Variants in ATP8B4 observed in about 807,000 individuals in gnomAD.
The protein encoded by ATP8B4 is probable phospholipid-transporting ATPase IM.
In ATP8B4, 133 loss-of-function variants were observed where a neutral mutation model predicts 145.6. The ratio of observed to expected loss-of-function variants is 0.91; its 90% CI spans 0.79 to 1.05. ATP8B4 has a LOEUF of 1.05. ATP8B4 is among the 50% of genes least tolerant of loss of function. The pLI is 0.00. For synonymous variants in ATP8B4, 507 were observed against 492.9 expected, an observed-to-expected ratio of 1.03 and a Z score of -0.38; for missense variants, 1,458 against 1,425.2, an observed-to-expected ratio of 1.02 and a Z score of -0.37.
intron 16 of ATP8B4, among the ~76,000 whole-genome samples, chr15:49,925,931 G>A (rs151288194): frequency 1.4e-4 from 21 of 152,212 alleles, no homozygotes; most frequent in African/African-American, 4.3e-4. Context: ...AAATGGTCAC[G>A]ATAACATATG....
intron 20 of ATP8B4, among the ~76,000 whole-genome samples, chr15:49,907,152 G>T (rs1325314064): frequency 6.6e-6 from 1 of 152,178 alleles, no homozygotes; most frequent in Non-Finnish European, 1.5e-5. Flanking sequence ...AGTGCTGGAT[G>T]CCAGCAGGGT....
At chr15:49,875,492 G>A (rs78206628) in intron 25 of ATP8B4, among the ~76,000 whole-genome samples, 106 of 152,192 alleles carry the variant, frequency 7.0e-4, no homozygotes, top group Non-Finnish European at 1.4e-3. Flanking sequence ...ATAAAACAGA[G>A]GTCACATAGC....
At chr15:50,093,480 AC>A in intron 2 of ATP8B4, among the ~76,000 whole-genome samples, 1 of 152,202 alleles carries the variant, frequency 6.6e-6, no homozygotes, top group African/African-American at 2.4e-5. Context: ...AAATGTTGTA[AC>A]CAGAGTAATC....
intron 2 of ATP8B4, among the ~76,000 whole-genome samples, chr15:50,078,785 A>G (rs188680948): frequency 6.6e-6 from 1 of 152,216 alleles, no homozygotes; most frequent in African/African-American, 2.4e-5. Context: ...AGCCTGAAAC[A>G]TAAGAATCAG....
chr15:49,919,405 T>C (rs1041743198), intron 18 of ATP8B4, among the ~76,000 whole-genome samples: 1 of 151,990 alleles, frequency 6.6e-6, no homozygotes, highest in Non-Finnish European at 1.5e-5. Flanking sequence ...CCTGCATGAT[T>C]TTTCCTTTTC....
intron 1 of ATP8B4, among the ~76,000 whole-genome samples, chr15:50,169,661 G>T (rs1177479073): frequency 1.3e-5 from 2 of 152,138 alleles, no homozygotes; most frequent in Admixed American, 6.5e-5. Flanking sequence ...CACCAGCAAT[G>T]AATCCAAACC....
At chr15:49,899,281 T>A (rs547852134) in intron 21 of ATP8B4, among the ~76,000 whole-genome samples, 11 of 152,272 alleles carry the variant, frequency 7.2e-5, no homozygotes, top group African/African-American at 1.9e-4. Flanking sequence ...AAGAAGTAAA[T>A]TTGTCTCCCT....
chr15:50,140,964 T>C (rs1300396589), intron 1 of ATP8B4, among the ~76,000 whole-genome samples: 1 of 152,108 alleles, frequency 6.6e-6, no homozygotes, highest in African/African-American at 2.4e-5. Flanking sequence ...AATTAGACTA[T>C]CCTTGAAAGA....
intron 25 of ATP8B4, among the ~76,000 whole-genome samples, chr15:49,870,453 T>C (rs925891721): frequency 2.0e-5 from 3 of 152,186 alleles, no homozygotes; most frequent in Non-Finnish European, 4.4e-5. Flanking sequence ...TTCAAATAAT[T>C]GAAAAATACT....
chr15:50,027,021 C>T (rs1567221456), intron 6 of ATP8B4, among the ~76,000 whole-genome samples: 1 of 152,106 alleles, frequency 6.6e-6, no homozygotes, highest in East Asian at 1.9e-4. Context: ...TTCTCCAATG[C>T]TCTCCCCACC....
chr15:49,908,572 G>A (rs1179166669), intron 20 of ATP8B4, among the ~76,000 whole-genome samples: 2 of 151,986 alleles, frequency 1.3e-5, no homozygotes, highest in Non-Finnish European at 2.9e-5. Context: ...ATTAACATAG[G>A]GAGCTGCCTG....
chr15:49,885,630 C>T (rs2036090728), intron 23 of ATP8B4, among the ~76,000 whole-genome samples: 1 of 152,114 alleles, frequency 6.6e-6, no homozygotes, highest in Admixed American at 6.5e-5. Context: ...CATAGATGCA[C>T]CATAGATTCA....
At chr15:50,123,957 T>G (rs2057290986), upstream of ATP8B4, among the ~76,000 whole-genome samples, 1 of 152,162 alleles carries the variant, frequency 6.6e-6, no homozygotes, top group Non-Finnish European at 1.5e-5. Context: ...TTTTAGTATT[T>G]TCTTCCTGCA....
chr15:49,940,749 T>C (rs192768327), intron 14 of ATP8B4, among the ~76,000 whole-genome samples: 2 of 152,208 alleles, frequency 1.3e-5, no homozygotes, highest in South Asian at 2.1e-4. Flanking sequence ...TTCTAGACAA[T>C]TACTAAGGCT....
At chr15:50,029,839 C>T (rs957930400) in intron 6 of ATP8B4, among the ~76,000 whole-genome samples, 2 of 152,180 alleles carry the variant, frequency 1.3e-5, no homozygotes, top group African/African-American at 2.4e-5. Flanking sequence ...TTTGTTTGTA[C>T]TCTTCCAAGT....
chr15:50,137,743 C>G (rs1250712877), intron 1 of ATP8B4, among the ~76,000 whole-genome samples: 1 of 152,166 alleles, frequency 6.6e-6, no homozygotes, highest in Non-Finnish European at 1.5e-5. Context: ...GCACATGATC[C>G]TTAGAGACAT....
intron 23 of ATP8B4, 102 bp downstream of exon 23, chr15:49,897,190 A>G: frequency 8.8e-7 from 1 of 1,130,430 alleles, no homozygotes; most frequent in Non-Finnish European, 1.3e-6. Context: ...CCATTAAAAA[A>G]TGCTCTGAAT....
intron 3 of ATP8B4, among the ~76,000 whole-genome samples, chr15:50,058,037 T>C (rs535261826): frequency 6.6e-6 from 1 of 152,232 alleles, no homozygotes; most frequent in East Asian, 1.9e-4. Flanking sequence ...GCATATGCCT[T>C]CTCCAGAGAG....
chr15:50,090,636 TTC>T (rs931245867), intron 2 of ATP8B4, among the ~76,000 whole-genome samples: 6 of 152,224 alleles, frequency 3.9e-5, no homozygotes, highest in African/African-American at 1.2e-4. Context: ...AGGAATACAT[TTC>T]TGTTTCGTTT....
Sources: allele counts gnomAD v4.1 joint callset (sites outside exome capture counted in the v4.1 genomes callset), GRCh38; gene constraint gnomAD v4.1.1; transcripts MANE v1.5; gene names NCBI Gene and HGNC (gene_info 2026-07-23, HGNC 2026-07-21).